ELK4: variants seen among roughly 807,000 people sequenced by gnomAD.
ELK4 encodes the protein ETS domain-containing protein Elk-4.
Under a neutral mutation model 29.6 loss-of-function variants are expected in ELK4, and 16 were observed. The observed-to-expected ratio is 0.54, with a 90% CI of 0.37 to 0.82. The LOEUF is 0.82. ELK4 is among the 40% of genes least tolerant of loss of function. ELK4 has a pLI of 0.00. For synonymous variants in ELK4, 213 were observed against 191.1 expected, an observed-to-expected ratio of 1.11 and a Z score of -0.95; for missense variants, 465 against 507.1, an observed-to-expected ratio of 0.92 and a Z score of 0.80.
chr1:205,626,013 C>G (rs569910057), intron 1 of ELK4: 16 of 1,437,382 alleles, frequency 1.1e-5, no homozygotes, highest in Non-Finnish European at 1.6e-5. Context: ...AATTCATCTC[C>G]GAGCTGAGGA....
chr1:205,628,852 G>A (rs1156806006), intron 1 of ELK4, among the ~76,000 whole-genome samples: 1 of 143,482 alleles, frequency 7.0e-6, no homozygotes, highest in Non-Finnish European at 1.5e-5. Context: ...GTGTGTCTAC[G>A]ATAGAAGGTT....
Position 205,608,779 on chromosome 1 carries a change from A to G in ELK4, c.*7767T>C, listed in dbSNP as rs1321040751. ...CAGATTTCAATAAAACAAGGGAAAA[A>G]ATAAGCAATGAAGTAACTGTCTTCT... On this transcript the variant is annotated 3_prime_UTR_variant, in exon 5 of 5. Coordinates refer to ENST00000357992, the MANE Select transcript of ELK4 (RefSeq NM_001973.4). The G allele has an allele frequency of 5.1e-6, 1 of 194,626 alleles. No homozygotes were observed. Among genetic ancestry groups the G allele is most frequent in the Non-Finnish European group, 1.1e-5 (1 of 93,484 alleles). 12.1% of individuals were successfully genotyped at this position (194,626 alleles called of 1,614,324 possible). A position where few individuals can be genotyped will look rare whatever the true frequency, so the allele number is the denominator to read the frequency against.
At position 205,613,463 on chromosome 1, in the gene ELK4, T is replaced by C. The variant is rs1670184448; in HGVS notation, c.*3083A>G. The stretch of plus-strand genomic sequence containing the variant: ...TAGAAATTATGTGAAAATCCACTCT[T>C]GGGTGGAGTAAATGCAATGGTTTGC... On this transcript the variant is annotated 3_prime_UTR_variant, in exon 5 of 5. Coordinates refer to ENST00000357992, the MANE Select transcript of ELK4 (RefSeq NM_001973.4). The C allele has an allele frequency of 5.4e-6, 1 of 184,734 alleles. No individual in the cohort carries two copies. Among genetic ancestry groups the C allele is most frequent in the Non-Finnish European group, 1.1e-5 (1 of 87,162 alleles). 11.4% of individuals were successfully genotyped at this position (184,734 alleles called of 1,614,324 possible). A position where few individuals can be genotyped will look rare whatever the true frequency, so the allele number is the denominator to read the frequency against.
At chr1:205,629,924 C>A (rs750273790) in intron 1 of ELK4, among the ~76,000 whole-genome samples, 3 of 151,106 alleles carry the variant, frequency 2.0e-5, no homozygotes, top group African/African-American at 4.9e-5. Flanking sequence ...TATGGTAGTG[C>A]GTGACTACTC....
In ELK4 at chr1:205,620,687, A is replaced by C. The variant is rs755642087; in HGVS notation, c.359T>G (p.Val120Gly). 3 of 1,613,958 alleles carry C rather than the reference A, an allele frequency of 1.9e-6. No homozygotes were observed. The change falls in exon 3 of 5, where the codon GTG (valine) becomes GGG (glycine). Residue 120 changes from valine (V) to glycine (G), a missense_variant. Val to Gly is a moderately radical substitution (Grantham distance 109). Around this residue, in one of 2 missense-constraint regions of ELK4, gnomAD observed 385 missense variants for 387.5 expected, o/e 0.99. Coordinates refer to ENST00000357992, the MANE Select transcript of ELK4 (RefSeq NM_001973.4). ...TGGTTTATCTTTCCCTCCATTCTCC[A>C]CATCTTTGGAACTGCTGCTGACTTC... ...FSEVSSSSKD[V>G]ENGGKDKPPQ...
chr1:205,612,158 T>C lies in ELK4; in HGVS notation c.*4388A>G, dbSNP rs1670160187. On this transcript the variant is annotated 3_prime_UTR_variant, in exon 5 of 5. Transcript: ENST00000357992. The stretch of plus-strand genomic sequence containing the variant: ...AAAACATGTGGTAATGGATTATTAT[T>C]TGGGAATTTATCAAAAAGAATTAAT... 5.0e-6 allele frequency: 1 copy of C among 200,496 alleles called. No homozygotes were observed. Among genetic ancestry groups the C allele is most frequent in the Middle Eastern group, 1.6e-3 (1 of 612 alleles). 12.4% of individuals were successfully genotyped at this position (200,496 alleles called of 1,614,324 possible). A position where few individuals can be genotyped will look rare whatever the true frequency, so the allele number is the denominator to read the frequency against.
Position 205,620,722 on chromosome 1 carries a change from T to G in ELK4, c.324A>C (p.Leu108Phe), listed in dbSNP as rs1670324097. 3.1e-6 allele frequency: 5 copies of G among 1,614,154 alleles called. No individual in the cohort carries two copies. Among genetic ancestry groups the G allele is most frequent in the Non-Finnish European group, 4.2e-6 (5 of 1,180,024 alleles). Residue 108 changes from leucine to phenylalanine, a missense_variant, in exon 3 of 5, where the codon TTA becomes TTC. Around this residue, in one of 2 missense-constraint regions of ELK4, gnomAD observed 385 missense variants for 387.5 expected, o/e 0.99. Transcript: ENST00000357992. ...VGRIEGDCES[L>F]NFSEVSSSSK... is the part of the protein sequence containing the mutation. ...AACTGCTGCTGACTTCACTGAAGTT[T>G]AAACTTTCACAGTCACCCTCAATCC...
Position 205,620,212 on chromosome 1 carries a change from G to T in ELK4, c.834C>A (p.Ile278=). The T allele has an allele frequency of 1.2e-6, 2 of 1,614,208 alleles. No individual in the cohort carries two copies. The highest frequency in any genetic ancestry group is 1.3e-5 in the African/African-American group (1 of 75,038). ...PSPPLSSHPD[I]DTDIDSVASQ... ...AAGCCACTGAATCAATGTCTGTGTC[G>T]ATGTCTGGGTGAGAACTCAGTGGTG... Residue 278 remains isoleucine (I), a synonymous_variant, in exon 3 of 5, where the codon ATC becomes ATA. Coordinates refer to ENST00000357992, the MANE Select transcript of ELK4 (RefSeq NM_001973.4).
chr1:205,623,938 C>A, intron 1 of ELK4, 47 bp from the exon 2 acceptor site: 1 of 1,519,942 alleles, frequency 6.6e-7, no homozygotes, highest in South Asian at 1.1e-5. Flanking sequence ...CAGCCAACAC[C>A]TATTTAACAC....
At position 205,613,238 on chromosome 1, in the gene ELK4, G is replaced by C. The variant is rs1399748960; in HGVS notation, c.*3308C>G. ...GTAGCCCAGCTATGCAGGAGGCTGA[G>C]GCAGGAGGATCACTTGAGCCCGGGA... is the stretch of plus-strand genomic sequence containing the variant. On this transcript the variant is annotated 3_prime_UTR_variant, in exon 5 of 5. Transcript: ENST00000357992. 4 of 198,000 alleles carry C rather than the reference G, an allele frequency of 2.0e-5. No homozygotes were observed. The highest frequency in any genetic ancestry group is 4.2e-5 in the Non-Finnish European group (4 of 95,686). 12.3% of individuals were successfully genotyped at this position (198,000 alleles called of 1,614,324 possible).
intron 2 of ELK4, among the ~76,000 whole-genome samples, chr1:205,623,202 G>T (rs537712159): frequency 6.6e-6 from 1 of 150,954 alleles, no homozygotes; most frequent in Non-Finnish European, 1.5e-5. Flanking sequence ...AGATTCAGCC[G>T]GAACATTTAT....
At chr1:205,616,745 T>TAAC in intron 4 of ELK4, 101 bp from the exon 5 acceptor site, 1 of 939,094 alleles carries the variant, frequency 1.1e-6, no homozygotes, top group East Asian at 2.6e-5. Flanking sequence ...CAGCCTTCTG[T>TAAC]AATGGCTCAC....
Position 205,620,250 on chromosome 1 carries a change from TGGGAGGTTC to T in ELK4, c.787_795del (p.Glu263_Pro265del), listed in dbSNP as rs763082835. On this transcript the variant is annotated inframe_deletion, in exon 3 of 5. Coordinates refer to ENST00000357992, the MANE Select transcript of ELK4 (RefSeq NM_001973.4). ...GAACTCAGTGGTGGTGAAGGTGTTCTGGGAGGTTCCTGCAAAGGGGGTATGGACGAAATG... is the reference window on the plus strand; with the variant it reads ...GAACTCAGTGGTGGTGAAGGTGTTCTCTGCAAAGGGGGTATGGACGAAATG... 1.2e-6 allele frequency: 2 copies of T among 1,614,082 alleles called. No homozygotes were observed. The highest frequency in any genetic ancestry group is 1.7e-6 in the Non-Finnish European group (2 of 1,180,036).
intron 2 of ELK4, 65 bp downstream of exon 2, chr1:205,623,611 A>G: frequency 6.3e-7 from 1 of 1,581,316 alleles, no homozygotes; most frequent in Non-Finnish European, 8.7e-7. Context: ...CACTGTGCCC[A>G]GCCAAGAAGG....
At chr1:205,619,691 A>G (rs1571498274) in intron 3 of ELK4, 1 of 1,421,482 alleles carries the variant, frequency 7.0e-7, no homozygotes, top group African/African-American at 1.4e-5. Context: ...AGAGAGCGAG[A>G]GAGTGTGTGT....
At position 205,612,721 on chromosome 1, in the gene ELK4, T is replaced by C. The variant is rs1670171006; in HGVS notation, c.*3825A>G. ...TCAGGATGAAACAATGTTGTCAGAC[T>C]GGACGTCACACAATGCAGGGGTGAA... On this transcript the variant is annotated 3_prime_UTR_variant, in exon 5 of 5. Coordinates refer to ENST00000357992, the MANE Select transcript of ELK4 (RefSeq NM_001973.4). The C allele has an allele frequency of 4.8e-6, 1 of 210,482 alleles. No individual in the cohort carries two copies. Among genetic ancestry groups the C allele is most frequent in the African/African-American group, 2.3e-5 (1 of 44,118 alleles). 13.0% of individuals were successfully genotyped at this position (210,482 alleles called of 1,614,324 possible).
At position 205,612,101 on chromosome 1, in the gene ELK4, G is replaced by C. The variant is rs1670158893; in HGVS notation, c.*4445C>G. On this transcript the variant is annotated 3_prime_UTR_variant, in exon 5 of 5. Coordinates refer to ENST00000357992, the MANE Select transcript of ELK4 (RefSeq NM_001973.4). ...CCTAACATGAAGATAAGAGACAACA[G>C]GCTGACGAAAGTAATAGGAATAAAG... The C allele has an allele frequency of 1.5e-5, 3 of 195,478 alleles. No individual in the cohort carries two copies. The highest frequency in any genetic ancestry group is 7.0e-5 in the African/African-American group (3 of 43,162). The allele number at this position is 195,478 out of a possible 1,614,324, so 12.1% of individuals were successfully genotyped here. A position where few individuals can be genotyped will look rare whatever the true frequency, so the allele number is the denominator to read the frequency against.
rs1194149927 is a variant in ELK4 at position 205,610,427 on chromosome 1, ACTGCTTCCAGTATAAACCT to A, written c.*6100_*6118del. 1 of 230,646 alleles carries A rather than the reference ACTGCTTCCAGTATAAACCT, an allele frequency of 4.3e-6. No individual in the cohort carries two copies. Among genetic ancestry groups the A allele is most frequent in the Admixed American group, 5.6e-5 (1 of 17,706 alleles). The allele number at this position is 230,646 out of a possible 1,614,324, so 14.3% of individuals were successfully genotyped here. On this transcript the variant is annotated 3_prime_UTR_variant, in exon 5 of 5. Coordinates refer to ENST00000357992, the MANE Select transcript of ELK4 (RefSeq NM_001973.4). ...GGTCGAATCTCTGTACTTTAGAAAT[ACTGCTTCCAGTATAAACCT>A]CCTCTTTGAGAAACTTACAAACTAA...
At chr1:205,625,353 C>T (rs1670432182) in intron 1 of ELK4, 1 of 368,320 alleles carries the variant, frequency 2.7e-6, no homozygotes, top group Non-Finnish European at 5.1e-6. Flanking sequence ...ATACAAATAG[C>T]CAATAAACAC....
Sources: allele counts gnomAD v4.1 joint callset (sites outside exome capture counted in the v4.1 genomes callset), GRCh38; gene constraint gnomAD v4.1.1; regional missense constraint gnomAD v4.1.1; transcripts MANE v1.5; gene names NCBI Gene and HGNC (gene_info 2026-07-23, HGNC 2026-07-21).